RBM19: variants seen among roughly 807,000 people sequenced by gnomAD.
RBM19 encodes RNA binding motif protein 19, also known as probable RNA-binding protein 19.
In RBM19, 94 loss-of-function variants were observed where a neutral mutation model predicts 116.8. The observed-to-expected ratio is 0.80, with a 90% confidence interval of 0.68 to 0.95. RBM19 has a LOEUF of 0.95. Ranked by LOEUF, RBM19 falls within the 40% of genes least tolerant of loss-of-function variation. The pLI, the probability that RBM19 is intolerant of heterozygous loss-of-function variation, is 0.00. For missense variants in RBM19, 1,161 were observed against 1,220.7 expected, an observed-to-expected ratio of 0.95 and a Z score of 0.73; for synonymous variants, 475 against 494.1, an observed-to-expected ratio of 0.96 and a Z score of 0.51.
At chr12:113,893,489 G>A (rs1035801990) in intron 21 of RBM19, among the ~76,000 whole-genome samples, 3 of 152,088 alleles carry the variant, frequency 2.0e-5, no homozygotes, top group East Asian at 1.9e-4. Context: ...ATTTCTCCTC[G>A]CAGTAACATT....
At chr12:113,826,933 T>C (rs952875112) in intron 23 of RBM19, among the ~76,000 whole-genome samples, 5 of 152,188 alleles carry the variant, frequency 3.3e-5, no homozygotes, top group Admixed American at 6.5e-5. Flanking sequence ...TCATGTATCA[T>C]AAGCCAGCCT....
At chr12:113,841,673 C>T (rs911579535) in intron 23 of RBM19, among the ~76,000 whole-genome samples, 1 of 152,134 alleles carries the variant, frequency 6.6e-6, no homozygotes, top group African/African-American at 2.4e-5. Flanking sequence ...GATCCACCCA[C>T]CTCGGCCTCA....
At chr12:113,884,321 A>ACACG (rs1880382087) in intron 21 of RBM19, among the ~76,000 whole-genome samples, 1 of 151,112 alleles carries the variant, frequency 6.6e-6, no homozygotes, top group Admixed American at 6.6e-5. Context: ...ACACACACAC[A>ACACG]CACACACACA....
At chr12:113,882,335 G>C (rs1470775801) in intron 21 of RBM19, among the ~76,000 whole-genome samples, 1 of 152,180 alleles carries the variant, frequency 6.6e-6, no homozygotes, top group African/African-American at 2.4e-5. Flanking sequence ...CAGTGACCTT[G>C]AGCAAATCAC....
chr12:113,952,339 C>T (rs1162322021), intron 8 of RBM19, among the ~76,000 whole-genome samples, 173 bp downstream of exon 8: 2 of 152,224 alleles, frequency 1.3e-5, no homozygotes. Context: ...CCACCAAAGG[C>T]TGGGGCAAGA....
At chr12:113,960,738 C>A (rs543769092) in intron 2 of RBM19, among the ~76,000 whole-genome samples, 1 of 152,144 alleles carries the variant, frequency 6.6e-6, no homozygotes, top group Non-Finnish European at 1.5e-5. Flanking sequence ...CACAGTTACC[C>A]CACACTGCCC....
At chr12:113,828,250 G>C (rs368712697) in intron 23 of RBM19, among the ~76,000 whole-genome samples, 15 of 152,066 alleles carry the variant, frequency 9.9e-5, no homozygotes, top group East Asian at 9.6e-4. Context: ...TGCTACATAA[G>C]AATCTGCACC....
intron 21 of RBM19, among the ~76,000 whole-genome samples, chr12:113,865,584 A>G (rs535919925): frequency 1.3e-5 from 2 of 152,304 alleles, no homozygotes; most frequent in African/African-American, 4.8e-5. Flanking sequence ...TTCATCATCT[A>G]TTGACATCTC....
intron 1 of RBM19, 81 bp downstream of exon 1, chr12:113,966,111 T>G: frequency 6.3e-7 from 1 of 1,578,210 alleles, no homozygotes; most frequent in Non-Finnish European, 8.7e-7. Context: ...AATTCTTCGA[T>G]CACCTCCAGG....
At chr12:113,946,537 C>T (rs1323075994) in intron 11 of RBM19, 62 bp from the exon 12 acceptor site, 27 of 1,607,466 alleles carry the variant, frequency 1.7e-5, no homozygotes, top group East Asian at 1.1e-4. Flanking sequence ...TGCTTCCTGC[C>T]GAAGGATGTT....
At chr12:113,950,857 C>T (rs755997986) in intron 8 of RBM19, among the ~76,000 whole-genome samples, 10 of 152,152 alleles carry the variant, frequency 6.6e-5, no homozygotes, top group Non-Finnish European at 1.3e-4. Context: ...CCAGGCACCT[C>T]ATCCATCCCC....
At chr12:113,835,867 G>C (rs2135702040) in intron 23 of RBM19, among the ~76,000 whole-genome samples, 1 of 152,356 alleles carries the variant, frequency 6.6e-6, no homozygotes, top group African/African-American at 2.4e-5. Flanking sequence ...ATGGGAAGCA[G>C]AGCCACGCTC....
intron 21 of RBM19, among the ~76,000 whole-genome samples, chr12:113,900,728 C>T (rs574344617): frequency 1.3e-5 from 2 of 152,206 alleles, no homozygotes; most frequent in African/African-American, 4.8e-5. Flanking sequence ...ACTCAGCTAA[C>T]CCGAGTATGT....
At chr12:113,899,637 C>G (rs1385011882) in intron 21 of RBM19, among the ~76,000 whole-genome samples, 2 of 152,216 alleles carry the variant, frequency 1.3e-5, no homozygotes, top group Non-Finnish European at 2.9e-5. Context: ...GGCGCAGTCC[C>G]TGCTTCATTA....
At chr12:113,851,189 T>C (rs1877417148) in intron 22 of RBM19, among the ~76,000 whole-genome samples, 1 of 152,106 alleles carries the variant, frequency 6.6e-6, no homozygotes, top group Admixed American at 6.5e-5. Flanking sequence ...TTCCCAGAAA[T>C]GACACCATGG....
chr12:113,823,959 G>A (rs1282170936), intron 23 of RBM19, among the ~76,000 whole-genome samples: 1 of 152,226 alleles, frequency 6.6e-6, no homozygotes, highest in Non-Finnish European at 1.5e-5. Flanking sequence ...TTCCAGAGGA[G>A]GCGTGGAGGG....
intron 16 of RBM19, among the ~76,000 whole-genome samples, chr12:113,934,794 C>T (rs538786351): frequency 3.9e-4 from 60 of 152,162 alleles, no homozygotes; most frequent in Non-Finnish European, 6.3e-4. Flanking sequence ...GGGCTAACAA[C>T]GAAAACCAAA....
chr12:113,930,280 A>G (rs1869482721), intron 16 of RBM19, among the ~76,000 whole-genome samples: 1 of 152,216 alleles, frequency 6.6e-6, no homozygotes, highest in Non-Finnish European at 1.5e-5. Context: ...AGGAGTTCCC[A>G]GTCTCACAAG....
chr12:113,951,042 C>A (rs543936730), intron 8 of RBM19, among the ~76,000 whole-genome samples: 1 of 152,126 alleles, frequency 6.6e-6, no homozygotes, highest in South Asian at 2.1e-4. Context: ...TCCCAGGGGC[C>A]CCTGCATCCA....
Sources: allele counts gnomAD v4.1 joint callset (sites outside exome capture counted in the v4.1 genomes callset), GRCh38; gene constraint gnomAD v4.1.1; transcripts MANE v1.5; gene names NCBI Gene and HGNC (gene_info 2026-07-23, HGNC 2026-07-21).